CALR3: variants seen among roughly 807,000 people sequenced by gnomAD.
The protein encoded by CALR3 is calreticulin 3.
A neutral mutation model predicts 48.7 loss-of-function variants in CALR3; 39 were observed. The observed-to-expected ratio is 0.80, with a 90% CI of 0.62 to 1.05. The LOEUF is 1.05. Ranked by LOEUF, CALR3 falls within the 50% of genes least tolerant of loss-of-function variation. The pLI is 0.00. For missense variants in CALR3, 449 were observed against 474.7 expected (o/e 0.95, Z 0.50); for synonymous variants, 185 against 172.7 (o/e 1.07, Z -0.56).
At chr19:16,495,110 C>G (rs1233990808) in intron 2 of CALR3, among the ~76,000 whole-genome samples, 3 of 151,704 alleles carry the variant, frequency 2.0e-5, no homozygotes, top group Admixed American at 6.6e-5. Flanking sequence ...CTTGTAATCG[C>G]AGCTCCTCAG....
At chr19:16,490,624 G>T (rs931959765) in intron 2 of CALR3, 54 bp from the exon 3 acceptor site, 3 of 1,489,782 alleles carry the variant, frequency 2.0e-6, no homozygotes, top group African/African-American at 2.8e-5. Context: ...GCTAAGTAAC[G>T]CAGGAAGTTA....
Position 16,483,936 on chromosome 19 carries a change from T to A in CALR3, c.672A>T (p.Lys224Asn). The A allele has an allele frequency of 6.2e-7, 1 of 1,613,958 alleles. No individual in the cohort carries two copies. The stretch of plus-strand genomic sequence containing the variant: ...GCCCAGGAAAAATTCACACCTGGGC[T>A]TTGTTGTCTTTAGTCTGTTCCCAAT... ...SKDWEQTKDNKAQDWEKHFLD... is the reference protein window; with the variant it reads ...SKDWEQTKDNNAQDWEKHFLD... The change falls in exon 5 of 9, where the codon AAA becomes AAT. Residue 224 changes from lysine to asparagine, a missense_variant. By Grantham distance (94) the Lys-to-Asn change is moderately conservative (BLOSUM62 0). Transcript: ENST00000269881.
At chr19:16,488,364 A>G (rs768185558) in intron 3 of CALR3, among the ~76,000 whole-genome samples, 9 of 152,166 alleles carry the variant, frequency 5.9e-5, no homozygotes, top group East Asian at 1.9e-4. Context: ...GATTACAGGC[A>G]TAAGCCACTG....
At chr19:16,491,254 C>T (rs1490095898) in intron 2 of CALR3, among the ~76,000 whole-genome samples, 1 of 151,946 alleles carries the variant, frequency 6.6e-6, no homozygotes, top group African/African-American at 2.4e-5. Context: ...TCCCGAGTAG[C>T]TGGGACTACA....
intron 8 of CALR3, among the ~76,000 whole-genome samples, chr19:16,479,695 G>A (rs545827540): frequency 6.6e-6 from 1 of 151,664 alleles, no homozygotes; most frequent in East Asian, 1.9e-4. Flanking sequence ...GGAGGCGGAG[G>A]TTGCAGTGAG....
intron 8 of CALR3, among the ~76,000 whole-genome samples, chr19:16,479,931 G>A (rs1000988584): frequency 3.9e-5 from 6 of 152,086 alleles, no homozygotes; most frequent in South Asian, 2.1e-4. Flanking sequence ...CTGGCTGGGC[G>A]CGGTGGCTCA....
Position 16,487,557 on chromosome 19 carries a change from C to G in CALR3, c.398-2300G>C, listed in dbSNP as rs114282518. On this transcript the variant is annotated intron_variant, in intron 3 of 8. Coordinates refer to ENST00000269881, the MANE Select transcript of CALR3 (RefSeq NM_145046.5). Reference sequence around the variant, plus strand: ...CAAGCTGGTCTCAAACTCCGGGGCTCAAGTGATCCTCCCTTGATGTTTCAG... The same window carrying G: ...CAAGCTGGTCTCAAACTCCGGGGCTGAAGTGATCCTCCCTTGATGTTTCAG... 2.0e-3 allele frequency among the ~76,000 whole-genome samples: 300 copies of G among 150,292 alleles called. 2 individuals are homozygous for G. Among genetic ancestry groups the G allele is most frequent in the African/African-American group, 6.4e-3 (262 of 41,066 alleles).
chr19:16,495,873 C>T (rs772383484), intron 1 of CALR3, 21 bp from the exon 2 acceptor site: 2 of 1,607,730 alleles, frequency 1.2e-6, no homozygotes, highest in East Asian at 2.2e-5. Context: ...GGGGAAATAA[C>T]ACCGGTTAGA....
intron 2 of CALR3, among the ~76,000 whole-genome samples, chr19:16,494,074 T>G (rs1448443520): frequency 1.3e-5 from 2 of 151,856 alleles, no homozygotes; most frequent in Non-Finnish European, 2.9e-5. Flanking sequence ...TTTCTTTTAT[T>G]TTTTGAAATG....
At chr19:16,483,872 T>C (rs1225303544) in intron 5 of CALR3, 58 bp downstream of exon 5, 2 of 1,558,094 alleles carry the variant, frequency 1.3e-6, no homozygotes, top group African/African-American at 1.4e-5. Flanking sequence ...GTCCAGTAAC[T>C]GGGTACTTAC....
chr19:16,480,176 T>TG (rs2093378344), intron 8 of CALR3, among the ~76,000 whole-genome samples: 1 of 124,508 alleles, frequency 8.0e-6, no homozygotes. Flanking sequence ...TACTTCAGCC[T>TG]GGCGACAGAG....
intron 3 of CALR3, among the ~76,000 whole-genome samples, chr19:16,488,874 C>G (rs2093393299): frequency 6.6e-6 from 1 of 152,044 alleles, no homozygotes; most frequent in Non-Finnish European, 1.5e-5. Flanking sequence ...CTATAAAGGC[C>G]AGATGGTAAA....
In CALR3 at chr19:16,494,698, A is replaced by C. The variant is rs370115717; in HGVS notation, c.193+1053T>G. ...TAATACGAAAATTAAAATGAGAAAA[A>C]GTACCCACTAACCTTTTCCTTCTGA... is the stretch of plus-strand genomic sequence containing the variant. On this transcript the variant is annotated intron_variant, in intron 2 of 8. Transcript: ENST00000269881. Among the ~76,000 whole-genome samples the C allele has an allele frequency of 5.9e-5, 9 of 152,318 alleles. No individual in the cohort carries two copies. In the East Asian group the frequency reaches 1.5e-3, roughly 26 times the overall value.
rs200844516 is a variant in CALR3 at position 16,479,191 on chromosome 19, C to T, written c.1095G>A (p.Ser365=). 58 of 1,614,056 alleles carry T rather than the reference C, an allele frequency of 3.6e-5. No individual in the cohort carries two copies. The highest frequency in any genetic ancestry group is 3.3e-4 in the Middle Eastern group (2 of 6,062). ...AREEEEEELL[S]GKINRHEHYF... Reference sequence around the variant, plus strand: ...AATGTTCGTGCCTGTTAATTTTTCCCGACAGCAGCTCTTCCTCCTCTTCCT... The same window carrying T: ...AATGTTCGTGCCTGTTAATTTTTCCTGACAGCAGCTCTTCCTCCTCTTCCT... The change falls in exon 9 of 9, where the codon TCG becomes TCA. Residue 365 remains serine (S), a synonymous_variant. Transcript: ENST00000269881.
At chr19:16,485,824 A>C (rs908260187) in intron 3 of CALR3, among the ~76,000 whole-genome samples, 1 of 119,552 alleles carries the variant, frequency 8.4e-6, no homozygotes, top group Non-Finnish European at 1.8e-5. Context: ...AGGCCCAGCT[A>C]ATTTTTGTGT....
chr19:16,487,185 T>C (rs2093390374), intron 3 of CALR3, among the ~76,000 whole-genome samples: 1 of 151,958 alleles, frequency 6.6e-6, no homozygotes, highest in Non-Finnish European at 1.5e-5. Flanking sequence ...TTTAAAATTG[T>C]TGTAGAGATG....
Position 16,485,163 on chromosome 19 carries a change from C to T in CALR3, c.492G>A (p.Lys164=), listed in dbSNP as rs2093387281. The T allele has an allele frequency of 1.9e-6, 3 of 1,585,388 alleles. No individual in the cohort carries two copies. Among genetic ancestry groups the T allele is most frequent in the East Asian group, 4.5e-5 (2 of 44,730 alleles). ...YHENKKLIRC[K]VDGFTHLYTL... ...TTTATTTGAATACAAGAGCAGTTAC[C>T]TTACACCTGATCAGTTTCTTGTTTT... Residue 164 remains lysine, a splice_region_variant and synonymous_variant, in exon 4 of 9, where the codon AAG becomes AAA. Transcript: ENST00000269881.
intron 3 of CALR3, among the ~76,000 whole-genome samples, chr19:16,488,561 T>C (rs893852690): frequency 6.7e-6 from 1 of 148,780 alleles, no homozygotes; most frequent in Non-Finnish European, 1.5e-5. Context: ...TGTGCCACTA[T>C]GCCCGGCTAA....
chr19:16,486,113 T>C (rs1206443619), intron 3 of CALR3, among the ~76,000 whole-genome samples: 3 of 151,800 alleles, frequency 2.0e-5, no homozygotes, highest in African/African-American at 7.3e-5. Context: ...GAGGCCAGTT[T>C]GAGACCAGCC....
Sources: gnomAD v4.1 joint callset for allele counts (sites outside exome capture counted in the v4.1 genomes callset) on GRCh38, gnomAD v4.1.1 for gene constraint, MANE v1.5 for transcripts, NCBI Gene and HGNC (gene_info 2026-07-23, HGNC 2026-07-21) for gene names.